Variants in SART1 observed in about 807,000 individuals in gnomAD.
SART1 encodes spliceosome associated factor 1, recruiter of U4/U6.U5 tri-snRNP.
A neutral mutation model predicts 105.0 loss-of-function variants in SART1; 28 were observed. The ratio of observed to expected loss-of-function variants is 0.27; its 90% confidence interval spans 0.20 to 0.37. SART1 has a LOEUF of 0.37. Ranked by LOEUF, SART1 falls within the 10% of genes least tolerant of loss-of-function variation. The pLI is 1.00. For synonymous variants in SART1, 472 were observed against 462.9 expected (o/e 1.02, Z -0.25); for missense variants, 894 against 1,106.5 (o/e 0.81, Z 2.72).
At chr11:65,972,484 T>G (rs1347548382) in intron 12 of SART1, among the ~76,000 whole-genome samples, 3 of 152,122 alleles carry the variant, frequency 2.0e-5, no homozygotes, top group Non-Finnish European at 4.4e-5. Flanking sequence ...AACTTTTTGG[T>G]AGAAAAGATT....
At chr11:65,964,962 G>A (rs1855217102) in intron 3 of SART1, 130 bp from the exon 4 acceptor site, 2 of 1,199,294 alleles carry the variant, frequency 1.7e-6, no homozygotes, top group Non-Finnish European at 2.2e-6. Flanking sequence ...GAGCAGGGAG[G>A]TGAAGGATTG....
rs751676782 is a variant in SART1 at position 65,966,501 on chromosome 11, C to T, written c.1133C>T (p.Ser378Phe). The change falls in exon 9 of 20, where the codon TCC becomes TTC. Residue 378 changes from serine to phenylalanine, a missense_variant. Ser to Phe is a radical substitution (Grantham distance 155, BLOSUM62 -2). Coordinates refer to ENST00000312397, the MANE Select transcript of SART1 (RefSeq NM_005146.5). ...GCCAAGCTGCGGCTGCAGGCTCAGT[C>T]CCTGAGCACAGTGGGGCCCCGGCTG... ...IRAKLRLQAQ[S>F]LSTVGPRLAS... 4 of 1,598,402 alleles carry T rather than the reference C, an allele frequency of 2.5e-6. No homozygotes were observed. The highest frequency in any genetic ancestry group is 3.4e-6 in the Non-Finnish European group (4 of 1,171,808).
At position 65,961,902 on chromosome 11, in the gene SART1, G is replaced by A. The variant is rs1855149719; in HGVS notation, c.122G>A (p.Arg41Gln). 1.3e-6 allele frequency: 2 copies of A among 1,552,814 alleles called. No individual in the cohort carries two copies. The highest frequency in any genetic ancestry group is 8.7e-7 in the Non-Finnish European group (1 of 1,148,068). The change falls in exon 1 of 20, where the codon CGG (arginine) becomes CAG (glutamine). Residue 41 changes from arginine to glutamine, a missense_variant. Transcript: ENST00000312397. ...RHREHKKHKH[R>Q]SGGSGGSGGE... ...CGGGAACACAAAAAACACAAGCACCGGAGTGGCGGCAGTGGCGGTAGCGGT... is the reference window on the plus strand; with the variant it reads ...CGGGAACACAAAAAACACAAGCACCAGAGTGGCGGCAGTGGCGGTAGCGGT...
In SART1 at chr11:65,977,547, A is replaced by G; in HGVS notation, c.1946-16A>G. ...CTCTCGAGGGGTTGGGAGTCTCACAACCCCTCCATCCCTAGGGCTGCTGGA... is the reference window on the plus strand; with the variant it reads ...CTCTCGAGGGGTTGGGAGTCTCACAGCCCCTCCATCCCTAGGGCTGCTGGA... On this transcript the variant is annotated splice_polypyrimidine_tract_variant and intron_variant, in intron 15 of 19. Coordinates refer to ENST00000312397, the MANE Select transcript of SART1 (RefSeq NM_005146.5). 6.2e-7 allele frequency: 1 copy of G among 1,612,088 alleles called. No homozygotes were observed. The highest frequency in any genetic ancestry group is 8.5e-7 in the Non-Finnish European group (1 of 1,178,610).
intron 12 of SART1, among the ~76,000 whole-genome samples, chr11:65,972,735 T>C (rs1855402778): frequency 6.7e-6 from 1 of 150,244 alleles, no homozygotes; most frequent in South Asian, 2.1e-4. Flanking sequence ...TATAGCTGAC[T>C]ATATCACAGA....
At chr11:65,973,084 G>T (rs894879948) in intron 12 of SART1, among the ~76,000 whole-genome samples, 1 of 152,274 alleles carries the variant, frequency 6.6e-6, no homozygotes, top group African/African-American at 2.4e-5. Flanking sequence ...TGAGGCAGGA[G>T]AATGGTGTGA....
intron 2 of SART1, 146 bp downstream of exon 2, chr11:65,964,277 G>A (rs1021916595): frequency 1.9e-5 from 17 of 889,064 alleles, no homozygotes; most frequent in African/African-American, 1.2e-4. Context: ...TTGACTTATA[G>A]AAGAGAAAAC....
Position 65,978,443 on chromosome 11 carries a change from C to A in SART1, c.2173-157C>A. On this transcript the variant is annotated intron_variant, in intron 17 of 19. Coordinates refer to ENST00000312397, the MANE Select transcript of SART1 (RefSeq NM_005146.5). The surrounding 1 kb of genome is among the most constrained non-coding windows in gnomAD (Gnocchi z 6.8). ...GCCTCTGCTGGGGCCCTGCAGGGTG[C>A]CAGCGTCTGTGCTCTTTTCCCATCC... 1.4e-6 allele frequency: 1 copy of A among 693,324 alleles called. No individual in the cohort carries two copies. The highest frequency in any genetic ancestry group is 2.5e-6 in the Non-Finnish European group (1 of 402,064). The allele number at this position is 693,324 out of a possible 1,614,324, so 42.9% of individuals were successfully genotyped here.
At chr11:65,963,477 T>TTTTG (rs1855185571) in intron 1 of SART1, among the ~76,000 whole-genome samples, 1 of 151,618 alleles carries the variant, frequency 6.6e-6, no homozygotes, top group Non-Finnish European at 1.5e-5. Flanking sequence ...AAGAGTTTTT[T>TTTTG]TTTTGTTTTG....
chr11:65,966,715 G>T, intron 9 of SART1, among the ~76,000 whole-genome samples, 159 bp downstream of exon 9: 1 of 152,340 alleles, frequency 6.6e-6, no homozygotes, highest in East Asian at 1.9e-4. Context: ...GAGGCACCAG[G>T]TGTGGATGGG....
rs200289737 is a variant in SART1 at position 65,966,220 on chromosome 11, C to T, written c.981+2C>T. 8.7e-6 allele frequency: 14 copies of T among 1,613,992 alleles called. No homozygotes were observed. The Admixed American group carries it at 2.0e-4, about 23-fold the overall frequency. On this transcript the variant is annotated splice_donor_variant, in intron 8 of 19. Transcript: ENST00000312397. LOFTEE classifies it low-confidence loss of function (GC_TO_GT_DONOR). ...GAGAGCGTGGACGACCTGGCGCAGG[C>T]ACGGCCTGGGCAGGCTGGGTGGCGG...
intron 1 of SART1, 33 bp downstream of exon 1, chr11:65,962,126 C>CCTGGGGGGGGGGGG: frequency 3.9e-5 from 1 of 25,830 alleles, no homozygotes; most frequent in South Asian, 2.5e-4. Flanking sequence ...GGGGGCGGGT[C>CCTGGGGGGGGGGGG]GGGCGGGGGT....
At position 65,964,678 on chromosome 11, in the gene SART1, C is replaced by T. The variant is rs920327400; in HGVS notation, c.427+108C>T. The T allele has an allele frequency of 9.3e-5, 104 of 1,120,950 alleles. No homozygotes were observed. The East Asian group carries it at 2.6e-3, about 28-fold the overall frequency. The allele number at this position is 1,120,950 out of a possible 1,614,324, so 69.4% of individuals were successfully genotyped here. A position where few individuals can be genotyped will look rare whatever the true frequency, so the allele number is the denominator to read the frequency against. On this transcript the variant is annotated intron_variant, in intron 3 of 19. Transcript: ENST00000312397. ...TTCAGCACTGTTTAGTGGTCTTACA[C>T]ATGCATATTTGCCGGAAGGCATGAG...
rs111587926 is a variant in SART1 at position 65,977,922 on chromosome 11, G to A, written c.2172+23G>A. The A allele has an allele frequency of 5.7e-3, 9,083 of 1,580,818 alleles. 423 individuals are homozygous for A. In the African/African-American group the frequency reaches 0.1, roughly 18 times the overall value. On this transcript the variant is annotated intron_variant, in intron 17 of 19. Transcript: ENST00000312397. The stretch of plus-strand genomic sequence containing the variant: ...GAGGTGAGCAGGGCCTTTTGCAGGC[G>A]GAGGCCCGGCCTGCCACAGGGAGGC...
At chr11:65,966,627 G>A in intron 9 of SART1, 71 bp downstream of exon 9, 1 of 1,407,606 alleles carries the variant, frequency 7.1e-7, no homozygotes, top group Non-Finnish European at 9.3e-7. Flanking sequence ...CCTGCCCGCA[G>A]GCACTGAGAA....
intron 12 of SART1, among the ~76,000 whole-genome samples, chr11:65,975,912 T>C (rs1855472103): frequency 6.6e-6 from 1 of 152,048 alleles, no homozygotes; most frequent in Admixed American, 6.6e-5. Flanking sequence ...GTGAGTTCTC[T>C]TCCCATGTCA....
chr11:65,967,838 G>T lies in SART1; in HGVS notation c.1572+17G>T, dbSNP rs1321515409. On this transcript the variant is annotated intron_variant, in intron 12 of 19. Transcript: ENST00000312397. Reference sequence around the variant, plus strand: ...GGCGAGAAGGTGAGGCTGGGCATGGGCAGGGTGACTGCGTCAGCAGTCACC... The same window carrying T: ...GGCGAGAAGGTGAGGCTGGGCATGGTCAGGGTGACTGCGTCAGCAGTCACC... 4.7e-6 allele frequency: 7 copies of T among 1,496,892 alleles called. No homozygotes were observed. Among genetic ancestry groups the T allele is most frequent in the Non-Finnish European group, 5.4e-6 (6 of 1,120,906 alleles). 92.7% of individuals were successfully genotyped at this position (1,496,892 alleles called of 1,614,324 possible).
chr11:65,969,995 T>C (rs140187496), intron 12 of SART1, among the ~76,000 whole-genome samples: 2 of 152,284 alleles, frequency 1.3e-5, no homozygotes, highest in African/African-American at 4.8e-5. Context: ...GTGCTGGAAT[T>C]AGAGGCATGA....
In SART1 at chr11:65,976,932, G is replaced by A; in HGVS notation, c.1858-82G>A. 2 of 1,265,168 alleles carry A rather than the reference G, an allele frequency of 1.6e-6. No homozygotes were observed. The highest frequency in any genetic ancestry group is 2.3e-6 in the Non-Finnish European group (2 of 868,360). The allele number at this position is 1,265,168 out of a possible 1,614,324, so 78.4% of individuals were successfully genotyped here. A position where few individuals can be genotyped will look rare whatever the true frequency, so the allele number is the denominator to read the frequency against. On this transcript the variant is annotated intron_variant, in intron 14 of 19. Transcript: ENST00000312397. This position sits in a 1 kb window ranked among gnomAD's most constrained non-coding sequence, Gnocchi z 5.1. ...GGAAATTAAATGTTGTGGAGGGCTG[G>A]TGCCTGGCAGGTGGTGACCAGTGGG...
Sources: allele counts gnomAD v4.1 joint callset (sites outside exome capture counted in the v4.1 genomes callset), GRCh38; gene constraint gnomAD v4.1.1; non-coding constraint Gnocchi (gnomAD v3.1); transcripts MANE v1.5; gene names NCBI Gene and HGNC (gene_info 2026-07-23, HGNC 2026-07-21).